The following GPHN variants were observed in gnomAD, a reference collection of about 807,000 sequenced individuals.
The protein encoded by GPHN is gephyrin.
Under a neutral mutation model 95.5 loss-of-function variants are expected in GPHN, and 17 were observed. The observed-to-expected ratio is 0.18, with a 90% confidence interval of 0.12 to 0.27. The LOEUF is 0.27. GPHN is among the 10% of genes least tolerant of loss of function. The pLI is 1.00. For synonymous variants in GPHN, 320 were observed against 322.5 expected (o/e 0.99, Z 0.08); for missense variants, 660 against 978.1 (o/e 0.67, Z 4.34).
chr14:67,645,594 T>C, the GPHN span: 9 of 1,582,716 alleles, frequency 5.7e-6, no homozygotes, highest in African/African-American at 1.4e-5. Flanking sequence ...TTGTTATCGG[T>C]CATGTTTGCC....
chr14:67,243,633 C>T, the GPHN span, among the ~76,000 whole-genome samples: 4 of 151,578 alleles, frequency 2.6e-5, no homozygotes, highest in Non-Finnish European at 1.5e-5. Flanking sequence ...GTTGGGACTA[C>T]AGGTGCCCGC....
chr14:66,735,447 A>C (rs7140417), intron 2 of GPHN, among the ~76,000 whole-genome samples: 4 of 151,924 alleles, frequency 2.6e-5, no homozygotes, highest in African/African-American at 9.7e-5. Flanking sequence ...CAATAGTTGT[A>C]CCCATCCCAT....
chr14:66,953,472 A>G (rs1026538867), intron 8 of GPHN, among the ~76,000 whole-genome samples: 6 of 152,140 alleles, frequency 3.9e-5, no homozygotes, highest in Non-Finnish European at 8.8e-5. Flanking sequence ...ACAATTAGGT[A>G]TTTGATCCAT....
intron 3 of GPHN, among the ~76,000 whole-genome samples, chr14:66,777,603 C>G (rs1175926422): frequency 6.6e-6 from 1 of 152,148 alleles, no homozygotes; most frequent in African/African-American, 2.4e-5. Context: ...AATCCAGCAG[C>G]ACATCAAAAA....
rs1355075762 is a variant in GPHN, at chr14:66,837,256, A to G, written c.294+12690A>G. Among the ~76,000 whole-genome samples, 39 of 151,760 alleles carry G rather than the reference A, an allele frequency of 2.6e-4. 1 individual carries two copies. Among genetic ancestry groups the G allele is most frequent in the Non-Finnish European group, 2.9e-5 (2 of 68,010 alleles). ...TGGCATATGTACACCATGGAATACT[A>G]TGCAGCCATAAAAAATGATGAGTTC... On this transcript the variant is annotated intron_variant, in intron 4 of 22. Coordinates refer to ENST00000478722, the MANE Select transcript of GPHN (RefSeq NM_020806.5).
chr14:67,284,587 A>C, the GPHN span, among the ~76,000 whole-genome samples: 3 of 140,800 alleles, frequency 2.1e-5, no homozygotes, highest in African/African-American at 2.7e-5. Flanking sequence ...AAAAAAAAAA[A>C]AGGTTGTGCA....
At chr14:66,844,617 G>C (rs923344104) in intron 4 of GPHN, among the ~76,000 whole-genome samples, 3 of 152,100 alleles carry the variant, frequency 2.0e-5, no homozygotes, top group African/African-American at 7.2e-5. Flanking sequence ...AAAAAGTATG[G>C]ATGGGTTTTT....
chr14:67,639,949 A>AG, the GPHN span, among the ~76,000 whole-genome samples: 15 of 143,544 alleles, frequency 1.0e-4, no homozygotes, highest in African/African-American at 3.8e-4. Flanking sequence ...AAAAAAAAAA[A>AG]GTCTGTGCAG....
At chr14:67,355,851 T>C in the GPHN span, among the ~76,000 whole-genome samples, 1 of 151,212 alleles carries the variant, frequency 6.6e-6, no homozygotes, top group Non-Finnish European at 1.5e-5. Context: ...AATATCAAAA[T>C]TACCTGGGCA....
At chr14:67,567,629 G>A in the GPHN span, among the ~76,000 whole-genome samples, 1 of 152,042 alleles carries the variant, frequency 6.6e-6, no homozygotes, top group Admixed American at 6.5e-5. Flanking sequence ...CCCCTCCAGT[G>A]ATCTCAGCGT....
At chr14:66,783,314 A>G (rs1408443649) in intron 3 of GPHN, among the ~76,000 whole-genome samples, 1 of 152,100 alleles carries the variant, frequency 6.6e-6, no homozygotes, top group Non-Finnish European at 1.5e-5. Flanking sequence ...CTATTCTTCC[A>G]TCTTTCACCT....
intron 9 of GPHN, among the ~76,000 whole-genome samples, chr14:67,012,887 C>G (rs1250875375): frequency 6.6e-6 from 1 of 152,106 alleles, no homozygotes; most frequent in Non-Finnish European, 1.5e-5. Context: ...TCTAAAATAG[C>G]TATACCTTAT....
the GPHN span, among the ~76,000 whole-genome samples, chr14:67,520,638 A>G: frequency 1.3e-5 from 2 of 152,338 alleles, no homozygotes; most frequent in South Asian, 4.1e-4. Flanking sequence ...TAAAGCTGCT[A>G]TAAACTCCAT....
the GPHN span, among the ~76,000 whole-genome samples, chr14:67,721,698 T>C: frequency 2.0e-5 from 3 of 151,240 alleles, no homozygotes; most frequent in Non-Finnish European, 4.4e-5. Flanking sequence ...CCAGTTTCGT[T>C]TTCCACCAAT....
chr14:67,586,092 C>T, the GPHN span: 7 of 1,613,884 alleles, frequency 4.3e-6, 1 homozygote, highest in South Asian at 7.7e-5. Context: ...GATGGCTGCT[C>T]CCAAGGTAGG....
chr14:66,937,600 C>T (rs2067199669), intron 8 of GPHN, among the ~76,000 whole-genome samples: 1 of 151,944 alleles, frequency 6.6e-6, no homozygotes, highest in South Asian at 2.1e-4. Flanking sequence ...GGATGGTTTC[C>T]ATCTCTTGAC....
the GPHN span, among the ~76,000 whole-genome samples, chr14:67,209,306 A>AAG: frequency 3.9e-5 from 6 of 152,000 alleles, no homozygotes; most frequent in African/African-American, 1.2e-4. Context: ...TGAAAATAAA[A>AAG]AGAGAGAGAG....
At chr14:67,576,540 G>T in the GPHN span, 1 of 1,029,896 alleles carries the variant, frequency 9.7e-7, no homozygotes, top group Non-Finnish European at 1.5e-6. This position sits in a 1 kb window ranked among gnomAD's most constrained non-coding sequence, Gnocchi z 4.0. Flanking sequence ...TGGGTTGGAG[G>T]GTAGTGGCTT....
the GPHN span, among the ~76,000 whole-genome samples, chr14:67,512,950 A>G: frequency 1.3e-5 from 2 of 152,310 alleles, no homozygotes; most frequent in East Asian, 3.9e-4. Flanking sequence ...CTTCCTGTAA[A>G]ATGACACCTT....
Sources: gnomAD v4.1 joint callset for allele counts (sites outside exome capture counted in the v4.1 genomes callset) on GRCh38, gnomAD v4.1.1 for gene constraint, Gnocchi (gnomAD v3.1) non-coding constraint, MANE v1.5 for transcripts, NCBI Gene and HGNC (gene_info 2026-07-23, HGNC 2026-07-21) for gene names.